DCDC2C: variants seen among roughly 807,000 people sequenced by gnomAD.
DCDC2C encodes the protein doublecortin domain containing 2C.
A neutral mutation model predicts 45.0 loss-of-function variants in DCDC2C; 44 were observed. That is an observed-to-expected ratio of 0.98 (90% CI 0.77 to 1.26). DCDC2C has a LOEUF of 1.26. Ranked by LOEUF, DCDC2C falls within the 50% of genes most tolerant of loss-of-function variation. The pLI is 0.00. For synonymous variants in DCDC2C, 187 were observed against 178.8 expected (o/e 1.05, Z -0.37); for missense variants, 447 against 468.9 (o/e 0.95, Z 0.43).
At chr2:3,779,768 G>T (rs974337815) in intron 9 of DCDC2C, among the ~76,000 whole-genome samples, 3 of 135,678 alleles carry the variant, frequency 2.2e-5, no homozygotes, top group African/African-American at 7.9e-5. Flanking sequence ...AGCCTTGCCG[G>T]GAGTCACTTT....
intron 1 of DCDC2C, among the ~76,000 whole-genome samples, chr2:3,707,577 TG>T (rs1484029152): frequency 6.6e-6 from 1 of 152,218 alleles, no homozygotes; most frequent in Admixed American, 6.5e-5. Context: ...TGTAATAATA[TG>T]AACTTTTGGT....
chr2:3,736,269 A>G (rs1669022287), intron 3 of DCDC2C, among the ~76,000 whole-genome samples: 1 of 152,154 alleles, frequency 6.6e-6, no homozygotes, highest in Non-Finnish European at 1.5e-5. Flanking sequence ...ACTGAGAAGG[A>G]AGTTGTGCTG....
At chr2:3,759,070 C>T (rs1413698454) in intron 6 of DCDC2C, among the ~76,000 whole-genome samples, 1 of 152,210 alleles carries the variant, frequency 6.6e-6, no homozygotes. Context: ...TTCGACTCTG[C>T]AGGGCTGAAG....
At chr2:3,797,331 C>T (rs1222295351) in intron 10 of DCDC2C, among the ~76,000 whole-genome samples, 2 of 132,628 alleles carry the variant, frequency 1.5e-5, no homozygotes, top group African/African-American at 6.3e-5. Context: ...CCCCTGGATT[C>T]GTTAATTTTT....
chr2:3,738,804 A>G (rs1669107034), intron 3 of DCDC2C, among the ~76,000 whole-genome samples: 1 of 152,228 alleles, frequency 6.6e-6, no homozygotes, highest in African/African-American at 2.4e-5. Context: ...CAGGCATTCA[A>G]AAATTCACAT....
chr2:3,786,028 T>C (rs1230675913), intron 10 of DCDC2C, among the ~76,000 whole-genome samples: 1 of 152,254 alleles, frequency 6.6e-6, no homozygotes, highest in Admixed American at 6.5e-5. Context: ...AGAATATGTG[T>C]AAAGTCTGCT....
intron 2 of DCDC2C, among the ~76,000 whole-genome samples, chr2:3,711,910 G>C (rs1266385851): frequency 1.3e-5 from 2 of 152,232 alleles, no homozygotes; most frequent in African/African-American, 4.8e-5. Flanking sequence ...GGGGTCGTGG[G>C]GATGGAGCAG....
chr2:3,837,832 T>G (rs1672118603), intron 10 of DCDC2C, among the ~76,000 whole-genome samples: 1 of 152,078 alleles, frequency 6.6e-6, no homozygotes, highest in South Asian at 2.1e-4. Context: ...GTTGGTCCTA[T>G]GCAGGAACAG....
At chr2:3,741,431 A>G (rs765616535) in intron 3 of DCDC2C, among the ~76,000 whole-genome samples, 2 of 152,172 alleles carry the variant, frequency 1.3e-5, no homozygotes, top group Non-Finnish European at 2.9e-5. Context: ...TAGATTTTAT[A>G]AAATACCCAG....
intron 10 of DCDC2C, among the ~76,000 whole-genome samples, chr2:3,812,499 T>G (rs1243756901): frequency 6.6e-6 from 1 of 152,140 alleles, no homozygotes; most frequent in East Asian, 1.9e-4. Flanking sequence ...GTAGATAATA[T>G]TCTATCATTT....
At chr2:3,710,643 A>G (rs533476866) in intron 2 of DCDC2C, among the ~76,000 whole-genome samples, 1 of 152,244 alleles carries the variant, frequency 6.6e-6, no homozygotes, top group South Asian at 2.1e-4. Flanking sequence ...TCCGCCATCT[A>G]TTAATAGTAG....
intron 10 of DCDC2C, among the ~76,000 whole-genome samples, chr2:3,829,785 CTTCGG>C (rs765639073): frequency 9.9e-5 from 15 of 152,274 alleles, no homozygotes; most frequent in South Asian, 8.3e-4. Context: ...GTTTCGGGGC[CTTCGG>C]TTCTCTCTCA....
chr2:3,841,672 A>G (rs568650979), intron 10 of DCDC2C, among the ~76,000 whole-genome samples: 1 of 152,354 alleles, frequency 6.6e-6, no homozygotes, highest in East Asian at 1.9e-4. Context: ...GACAGACTTG[A>G]TGCAGAGAAT....
At chr2:3,785,765 T>C (rs979342046) in intron 10 of DCDC2C, among the ~76,000 whole-genome samples, 1 of 152,168 alleles carries the variant, frequency 6.6e-6, no homozygotes, top group African/African-American at 2.4e-5. Context: ...ATTTAGTCTT[T>C]AGTTTTCCTA....
chr2:3,731,720 T>C (rs893172917), intron 3 of DCDC2C, among the ~76,000 whole-genome samples: 3 of 152,202 alleles, frequency 2.0e-5, no homozygotes, highest in African/African-American at 7.2e-5. Context: ...GAGAACAGAA[T>C]GTGTCTTGCT....
At chr2:3,730,392 G>T (rs1270110491) in intron 3 of DCDC2C, among the ~76,000 whole-genome samples, 1 of 152,238 alleles carries the variant, frequency 6.6e-6, no homozygotes, top group East Asian at 1.9e-4. Flanking sequence ...TCTGGAGGTT[G>T]TAAGCTGTGT....
chr2:3,815,020 T>C (rs1428549622), intron 10 of DCDC2C, among the ~76,000 whole-genome samples: 1 of 152,252 alleles, frequency 6.6e-6, no homozygotes, highest in Non-Finnish European at 1.5e-5. Context: ...GGAGCTCAAA[T>C]GGCTTAGACA....
chr2:3,768,474 G>A (rs1338490415), intron 7 of DCDC2C, among the ~76,000 whole-genome samples: 1 of 152,216 alleles, frequency 6.6e-6, no homozygotes, highest in Non-Finnish European at 1.5e-5. Flanking sequence ...TTATGGAGGA[G>A]AAAGCAAGGT....
chr2:3,758,010 A>ATCC, intron 6 of DCDC2C, among the ~76,000 whole-genome samples: 1 of 152,312 alleles, frequency 6.6e-6, no homozygotes, highest in East Asian at 1.9e-4. Flanking sequence ...ATTTGCAGGG[A>ATCC]TCCAGATTTA....
Sources: gnomAD v4.1 joint callset for allele counts (sites outside exome capture counted in the v4.1 genomes callset) on GRCh38, gnomAD v4.1.1 for gene constraint, MANE v1.5 for transcripts, NCBI Gene and HGNC (gene_info 2026-07-23, HGNC 2026-07-21) for gene names.